Variants in NSD2 observed in about 807,000 individuals in gnomAD.
NSD2 encodes the protein histone-lysine N-methyltransferase NSD2.
A neutral mutation model predicts 139.0 loss-of-function variants in NSD2; 12 were observed. That is an observed-to-expected ratio of 0.09 (90% CI 0.06 to 0.14). NSD2 has a LOEUF of 0.14. Ranked by LOEUF, NSD2 falls within the 10% of genes least tolerant of loss-of-function variation. NSD2 has a pLI of 1.00. For missense variants in NSD2, 1,155 were observed against 1,745.0 expected (o/e 0.66, Z 6.02); for synonymous variants, 669 against 648.7 (o/e 1.03, Z -0.48).
chr4:1,967,212 A>T (rs1415129432), intron 18 of NSD2, among the ~76,000 whole-genome samples: 1 of 152,248 alleles, frequency 6.6e-6, no homozygotes, highest in East Asian at 1.9e-4. Flanking sequence ...ACAAACTACC[A>T]AGACTAAATC....
intron 1 of NSD2, among the ~76,000 whole-genome samples, chr4:1,879,242 G>A (rs1007016937): frequency 7.3e-5 from 11 of 151,400 alleles, no homozygotes; most frequent in East Asian, 5.8e-4. Flanking sequence ...TTTTTGAGAC[G>A]GAGTCTCGCT....
chr4:1,978,666 T>C lies in NSD2; in HGVS notation c.3855T>C (p.Cys1285=), dbSNP rs775933350. Residue 1285 remains cysteine (C), a synonymous_variant, in exon 22 of 22, where the codon TGT becomes TGC. Transcript: ENST00000508803. ...FGKWECPWHH[C]DVCGKPSTSF... ...AGTGGGAATGTCCTTGGCATCATTGTGACGTGTGTGGCAAACCTTCGACTT... is the reference window on the plus strand; with the variant it reads ...AGTGGGAATGTCCTTGGCATCATTGCGACGTGTGTGGCAAACCTTCGACTT... The C allele has an allele frequency of 1.2e-6, 2 of 1,613,194 alleles. No homozygotes were observed. The highest frequency in any genetic ancestry group is 4.5e-5 in the East Asian group (2 of 44,874).
At chr4:1,932,439 C>CAAA (rs776037394) in intron 6 of NSD2, among the ~76,000 whole-genome samples, 12 of 65,406 alleles carry the variant, frequency 1.8e-4, no homozygotes, top group African/African-American at 2.9e-4. Context: ...AGTCAATCTC[C>CAAA]AAAAAAAAAA....
Position 1,939,425 on chromosome 4 carries a change from C to G in NSD2, c.1757-229C>G. The stretch of plus-strand genomic sequence containing the variant: ...AGGTATGGATAGAGCCACGCTGGCC[C>G]CAGGTTGATGTTTTTGGGGGCCAAG... On this transcript the variant is annotated intron_variant, in intron 8 of 21. Coordinates refer to ENST00000508803, the MANE Select transcript of NSD2 (RefSeq NM_001042424.3). The G allele has an allele frequency of 8.9e-6, 5 of 560,836 alleles. No homozygotes were observed. In the South Asian group the frequency reaches 1.1e-4, roughly 12 times the overall value. 34.7% of individuals were successfully genotyped at this position (560,836 alleles called of 1,614,324 possible). A position where few individuals can be genotyped will look rare whatever the true frequency, so the allele number is the denominator to read the frequency against.
At chr4:1,957,151 G>A (rs898589064) in intron 15 of NSD2, among the ~76,000 whole-genome samples, 1 of 152,188 alleles carries the variant, frequency 6.6e-6, no homozygotes, top group Non-Finnish European at 1.5e-5. Context: ...CACGTCTAGG[G>A]TTGACATGGG....
At chr4:1,923,584 T>G (rs1376308675) in intron 5 of NSD2, among the ~76,000 whole-genome samples, 1 of 152,192 alleles carries the variant, frequency 6.6e-6, no homozygotes, top group Non-Finnish European at 1.5e-5. Context: ...ATTGAGAAGA[T>G]GAGCAACAGT....
Position 1,942,663 on chromosome 4 carries a change from G to GCAGT in NSD2, c.1881+2887_1881+2890dup. On this transcript the variant is annotated intron_variant, in intron 9 of 21. Coordinates refer to ENST00000508803, the MANE Select transcript of NSD2 (RefSeq NM_001042424.3). This position sits in a 1 kb window ranked among gnomAD's most constrained non-coding sequence, Gnocchi z 4.0. ...GTCAATGTAGATTTCAAGTTGAAAGGCAGTCCCTTTAGTTGGGGGCTGTCC... is the reference window on the plus strand; with the variant it reads ...GTCAATGTAGATTTCAAGTTGAAAGGCAGTCAGTCCCTTTAGTTGGGGGCTGTCC... 8.6e-7 allele frequency: 1 copy of GCAGT among 1,165,398 alleles called. No individual in the cohort carries two copies. The highest frequency in any genetic ancestry group is 1.1e-6 in the Non-Finnish European group (1 of 941,042). The allele number at this position is 1,165,398 out of a possible 1,614,324, so 72.2% of individuals were successfully genotyped here.
At chr4:1,943,784 C>G (rs1723346033) in intron 9 of NSD2, 3 of 1,061,228 alleles carry the variant, frequency 2.8e-6, no homozygotes, top group South Asian at 4.6e-5. Context: ...AAAAATGGCT[C>G]TGGTTCAATA....
intron 18 of NSD2, among the ~76,000 whole-genome samples, chr4:1,967,389 C>T (rs911738669): frequency 6.6e-6 from 1 of 152,070 alleles, no homozygotes; most frequent in Non-Finnish European, 1.5e-5. Flanking sequence ...ACCAGCCTGG[C>T]CAATATGGTG....
At chr4:1,887,408 A>G (rs922010146) in intron 1 of NSD2, 2 of 152,186 alleles carry the variant, frequency 1.3e-5, no homozygotes, top group Non-Finnish European at 2.9e-5. Flanking sequence ...CTACAGGGCC[A>G]GGCTAGACTC....
chr4:1,872,172 G>C (rs907500876), intron 1 of NSD2, among the ~76,000 whole-genome samples: 5 of 152,024 alleles, frequency 3.3e-5, no homozygotes, highest in Non-Finnish European at 7.4e-5. Context: ...GCCGGGCCGC[G>C]GTCCGGCCCT....
chr4:1,934,872 A>ATATATATATGTATAT (rs1577482942), intron 6 of NSD2, among the ~76,000 whole-genome samples: 1 of 84,966 alleles, frequency 1.2e-5, no homozygotes, highest in South Asian at 4.9e-4. Context: ...AAAAAAAAAA[A>ATATATATATGTATAT]AAAAAAATAT....
rs756336608 is a variant in NSD2 at position 1,948,581 on chromosome 4, C to G, written c.1882-2491C>G. ...GTGTGGTGGGAAAAAGTCGGAATCT[C>G]TGCAATCTGTGTCATGGACTGTACT... On this transcript the variant is annotated intron_variant, in intron 9 of 21. Transcript: ENST00000508803. This position sits in a 1 kb window ranked among gnomAD's most constrained non-coding sequence, Gnocchi z 4.5. The G allele has an allele frequency of 9.4e-7, 1 of 1,064,236 alleles. No individual in the cohort carries two copies. The highest frequency in any genetic ancestry group is 1.1e-6 in the Non-Finnish European group (1 of 877,700). 65.9% of individuals were successfully genotyped at this position (1,064,236 alleles called of 1,614,324 possible). A position where few individuals can be genotyped will look rare whatever the true frequency, so the allele number is the denominator to read the frequency against.
chr4:1,978,194 A>G (rs978576088), intron 21 of NSD2, among the ~76,000 whole-genome samples: 1 of 152,224 alleles, frequency 6.6e-6, no homozygotes, highest in Admixed American at 6.5e-5. Flanking sequence ...CACGATAGAG[A>G]AAAGTGTTGG....
Position 1,955,348 on chromosome 4 carries a change from G to T in NSD2, c.2518+8G>T, listed in dbSNP as rs1267164839. 4 of 1,603,668 alleles carry T rather than the reference G, an allele frequency of 2.5e-6. No homozygotes were observed. Among genetic ancestry groups the T allele is most frequent in the African/African-American group, 1.3e-5 (1 of 74,714 alleles). On this transcript the variant is annotated splice_region_variant and intron_variant, in intron 13 of 21. Coordinates refer to ENST00000508803, the MANE Select transcript of NSD2 (RefSeq NM_001042424.3). This position sits in a 1 kb window ranked among gnomAD's most constrained non-coding sequence, Gnocchi z 4.7. ...GCTTCGTGTGCTCCAAAGGTGAGGG[G>T]CCTGGGGGTGTCTGCGGCACACGCC...
chr4:1,930,213 G>A (rs1332438505), intron 5 of NSD2, among the ~76,000 whole-genome samples: 2 of 152,144 alleles, frequency 1.3e-5, no homozygotes, highest in African/African-American at 4.8e-5. Context: ...ACGAGGGTAG[G>A]TGCTGCCCAG....
chr4:1,934,925 A>G (rs1253089206), intron 6 of NSD2, among the ~76,000 whole-genome samples: 2 of 139,170 alleles, frequency 1.4e-5, no homozygotes, highest in Non-Finnish European at 3.1e-5. Flanking sequence ...CAGATAAAAC[A>G]GATGCTAATA....
At chr4:1,971,233 G>C (rs1366252485) in intron 18 of NSD2, among the ~76,000 whole-genome samples, 2 of 152,134 alleles carry the variant, frequency 1.3e-5, no homozygotes, top group African/African-American at 2.4e-5. Flanking sequence ...CCAAGGTGAA[G>C]TCGAAGAAAG....
At chr4:1,902,094 T>G (rs1050095060) in intron 2 of NSD2, among the ~76,000 whole-genome samples, 1 of 152,210 alleles carries the variant, frequency 6.6e-6, no homozygotes, top group African/African-American at 2.4e-5. Flanking sequence ...CTATAGGGTG[T>G]TGCTTTTTAG....
Sources: gnomAD v4.1 joint callset for allele counts (sites outside exome capture counted in the v4.1 genomes callset) on GRCh38, gnomAD v4.1.1 for gene constraint, Gnocchi (gnomAD v3.1) non-coding constraint, MANE v1.5 for transcripts, NCBI Gene and HGNC (gene_info 2026-07-23, HGNC 2026-07-21) for gene names.